The following NSUN6 variants were observed in gnomAD, a reference collection of about 807,000 sequenced individuals.
The protein encoded by NSUN6 is NOP2/Sun RNA methyltransferase 6.
NSUN6 carries 64 observed loss-of-function variants against 58.0 expected under a neutral mutation model. That is an observed-to-expected ratio of 1.10 (90% CI 0.90 to 1.36). NSUN6 has a LOEUF of 1.36. Ranked by LOEUF, NSUN6 falls within the 40% of genes most tolerant of loss-of-function variation. The pLI, the probability that NSUN6 is intolerant of heterozygous loss-of-function variation, is 0.00. For missense variants in NSUN6, 701 were observed against 550.1 expected, an observed-to-expected ratio of 1.27 and a Z score of -2.74; for synonymous variants, 231 against 193.9, an observed-to-expected ratio of 1.19 and a Z score of -1.59.
chr10:18,582,769 T>G (rs1276301862), intron 8 of NSUN6, among the ~76,000 whole-genome samples: 1 of 152,086 alleles, frequency 6.6e-6, no homozygotes, highest in Non-Finnish European at 1.5e-5. Context: ...CTAAAACCAC[T>G]GTAATCCCAG....
At chr10:18,603,478 C>CTTTTT (rs920059121) in intron 6 of NSUN6, among the ~76,000 whole-genome samples, 6 of 147,768 alleles carry the variant, frequency 4.1e-5, no homozygotes, top group Non-Finnish European at 8.9e-5. Context: ...CTTTTCTTTT[C>CTTTTT]TTTTTTTTTG....
chr10:18,614,464 G>A lies in NSUN6; in HGVS notation c.571C>T (p.Leu191=). The A allele has an allele frequency of 6.6e-7, 1 of 1,521,202 alleles. No individual in the cohort carries two copies. Among genetic ancestry groups the A allele is most frequent in the Non-Finnish European group, 8.8e-7 (1 of 1,136,614 alleles). 94.2% of individuals were successfully genotyped at this position (1,521,202 alleles called of 1,614,324 possible). The change falls in exon 5 of 11, where the codon CTG becomes TTG. Residue 191 remains leucine (L), a synonymous_variant. Transcript: ENST00000377304. ...CCAAAGCACCTGATGACATACTTCAGTTCAGGTAATCCACTGAAGATTTCT... is the reference window on the plus strand; with the variant it reads ...CCAAAGCACCTGATGACATACTTCAATTCAGGTAATCCACTGAAGATTTCT... The part of the protein sequence containing the change: ...RKEIFSGLPE[L]KGMGIRMTEP...
upstream of NSUN6, chr10:18,653,228 C>T (rs2059739370): frequency 2.0e-6 from 2 of 984,710 alleles, no homozygotes; most frequent in African/African-American, 1.7e-5. Flanking sequence ...AAGCCTAATC[C>T]ATAATGGGCA....
intron 3 of NSUN6, among the ~76,000 whole-genome samples, chr10:18,635,606 G>A (rs191581221): frequency 6.6e-6 from 1 of 152,144 alleles, no homozygotes; most frequent in Non-Finnish European, 1.5e-5. Flanking sequence ...GGAAGCCAAG[G>A]TGGGTGGATC....
chr10:18,650,029 C>CA (rs1356809810), intron 1 of NSUN6, among the ~76,000 whole-genome samples: 5 of 151,594 alleles, frequency 3.3e-5, no homozygotes, highest in African/African-American at 4.8e-5. Context: ...CTAAAGATTT[C>CA]AAAAAAAACA....
At chr10:18,563,519 T>A (rs2055697890) in intron 8 of NSUN6, among the ~76,000 whole-genome samples, 2 of 151,022 alleles carry the variant, frequency 1.3e-5, no homozygotes, top group Non-Finnish European at 3.0e-5. Flanking sequence ...GAATATGGGA[T>A]AGAATGGAGA....
chr10:18,545,818 G>C lies in NSUN6; in HGVS notation c.*115C>G, dbSNP rs1035593327. The C allele has an allele frequency of 8.8e-6, 6 of 680,510 alleles. No homozygotes were observed. Among genetic ancestry groups the C allele is most frequent in the African/African-American group, 8.0e-5 (4 of 50,210 alleles). The allele number at this position is 680,510 out of a possible 1,614,324, so 42.2% of individuals were successfully genotyped here. On this transcript the variant is annotated 3_prime_UTR_variant, in exon 11 of 11. Coordinates refer to ENST00000377304, the MANE Select transcript of NSUN6 (RefSeq NM_182543.5). ...GGTAAAACAGCTGGCAGCCTTTTCT[G>C]TTTCCATAGCAACCACATCATCATT...
intron 6 of NSUN6, among the ~76,000 whole-genome samples, chr10:18,598,392 A>G (rs2057679367): frequency 6.6e-6 from 1 of 152,228 alleles, no homozygotes; most frequent in Admixed American, 6.5e-5. Context: ...CACGTGAGAC[A>G]CTAAACACTA....
intron 7 of NSUN6, among the ~76,000 whole-genome samples, chr10:18,592,626 C>T (rs1408662752): frequency 2.6e-5 from 4 of 152,178 alleles, no homozygotes; most frequent in Admixed American, 6.5e-5. Context: ...AAAGGATCCC[C>T]TATTTAATAA....
At chr10:18,659,279 T>A (rs775334210), upstream of NSUN6, 4 of 268,602 alleles carry the variant, frequency 1.5e-5, no homozygotes, top group Admixed American at 1.6e-4. Context: ...TGGGTTGCCG[T>A]AAGTGCGCCG....
chr10:18,614,358 A>AT, intron 5 of NSUN6, 102 bp downstream of exon 5: 1 of 708,034 alleles, frequency 1.4e-6, no homozygotes, highest in Non-Finnish European at 2.1e-6. Flanking sequence ...ATACCAAAAA[A>AT]AAAAATTTCA....
chr10:18,627,518 G>A (rs1016709142), intron 3 of NSUN6, among the ~76,000 whole-genome samples: 1 of 152,180 alleles, frequency 6.6e-6, no homozygotes, highest in African/African-American at 2.4e-5. Flanking sequence ...TCTCACTAGG[G>A]AGTGCCAGAC....
chr10:18,590,547 A>C (rs988607086), intron 7 of NSUN6, among the ~76,000 whole-genome samples: 7 of 152,242 alleles, frequency 4.6e-5, no homozygotes, highest in Middle Eastern at 3.4e-3. Flanking sequence ...GGAAATCATA[A>C]CAAACAGTCT....
At chr10:18,571,272 C>A (rs910907989) in intron 8 of NSUN6, among the ~76,000 whole-genome samples, 2 of 151,296 alleles carry the variant, frequency 1.3e-5, no homozygotes, top group African/African-American at 2.4e-5. Flanking sequence ...CCATTCCCTT[C>A]CTTTCTCCAT....
chr10:18,658,642 C>A (rs2131630647), upstream of NSUN6: 1 of 980,470 alleles, frequency 1.0e-6, no homozygotes, highest in Non-Finnish European at 1.2e-6. Flanking sequence ...TTATTAATCA[C>A]ATAACTGAAC....
At chr10:18,590,204 G>A (rs191749726) in intron 7 of NSUN6, among the ~76,000 whole-genome samples, 3 of 152,164 alleles carry the variant, frequency 2.0e-5, no homozygotes, top group African/African-American at 7.2e-5. Context: ...AACAAGAAGA[G>A]CTAACTATCC....
chr10:18,620,339 G>A (rs879436080), intron 3 of NSUN6, among the ~76,000 whole-genome samples: 4 of 151,826 alleles, frequency 2.6e-5, no homozygotes, highest in Non-Finnish European at 5.9e-5. Flanking sequence ...CGCCCGCCTC[G>A]GCCTCCCAAA....
chr10:18,628,193 T>G (rs1267389802), intron 3 of NSUN6, among the ~76,000 whole-genome samples: 1 of 151,988 alleles, frequency 6.6e-6, no homozygotes, highest in South Asian at 2.1e-4. Context: ...CAGCTGAGGG[T>G]CCTGTCTGTT....
rs61739230 is a variant in NSUN6 at position 18,585,979 on chromosome 10, C to T, written c.892G>A (p.Val298Ile). The T allele has an allele frequency of 3.7e-6, 6 of 1,608,138 alleles. No individual in the cohort carries two copies. The African/African-American group carries it at 6.7e-5, about 18-fold the overall frequency. ...GTGTCCTCCACCATATCAAGTTTAA[C>T]CGCCTTTGTTCCATCAAAACAAAAT... ...RAFCFDGTKA[V>I]KLDMVEDTEG... Residue 298 changes from valine to isoleucine, a missense_variant, in exon 8 of 11, where the codon GTT becomes ATT. Coordinates refer to ENST00000377304, the MANE Select transcript of NSUN6 (RefSeq NM_182543.5).
Sources: gnomAD v4.1 joint callset for allele counts (sites outside exome capture counted in the v4.1 genomes callset) on GRCh38, gnomAD v4.1.1 for gene constraint, MANE v1.5 for transcripts, NCBI Gene and HGNC (gene_info 2026-07-23, HGNC 2026-07-21) for gene names.